The following ZFHX2 variants were observed in gnomAD, a reference collection of about 807,000 sequenced individuals.
The protein encoded by ZFHX2 is zinc finger homeobox protein 2.
ZFHX2 carries 75 observed loss-of-function variants against 164.8 expected under a neutral mutation model. That is an observed-to-expected ratio of 0.46 (90% CI 0.38 to 0.55). The LOEUF is 0.55. Ranked by LOEUF, ZFHX2 falls within the 20% of genes least tolerant of loss-of-function variation. The probability of loss-of-function intolerance (pLI) is 0.00; values close to 1 mark genes in which losing one functional copy is unlikely to be tolerated. For synonymous variants in ZFHX2, 1,217 were observed against 1,351.4 expected, an observed-to-expected ratio of 0.90 and a Z score of 2.18; for missense variants, 2,933 against 3,308.0, an observed-to-expected ratio of 0.89 and a Z score of 2.78.
chr14:23,551,550 A>C lies in ZFHX2; in HGVS notation c.-257T>G, dbSNP rs375629129. On this transcript the variant is annotated 5_prime_UTR_variant, in exon 1 of 10. Coordinates refer to ENST00000419474, the MANE Select transcript of ZFHX2 (RefSeq NM_033400.3). The surrounding 1 kb of genome is among the most constrained non-coding windows in gnomAD (Gnocchi z 5.3). ...TAAATAAATTCACGGCGGTGAGGGA[A>C]GTGAAGGAAAATAATCAATGCTATT... The C allele has an allele frequency of 1.3e-5, 2 of 152,468 alleles. No homozygotes were observed. Among genetic ancestry groups the C allele is most frequent in the East Asian group, 3.9e-4 (2 of 5,176 alleles). The allele number at this position is 152,468 out of a possible 1,614,324, so 9.4% of individuals were successfully genotyped here.
intron 6 of ZFHX2, 35 bp from the exon 7 acceptor site, chr14:23,527,839 AG>A (rs1185410606): frequency 9.8e-6 from 15 of 1,525,516 alleles, no homozygotes; most frequent in Admixed American, 3.9e-5. Flanking sequence ...ACGAAGTGTC[AG>A]GGAAGGATGG....
chr14:23,539,507 C>T lies in ZFHX2; in HGVS notation c.-49-4133G>A, dbSNP rs185505418. Among the ~76,000 whole-genome samples the T allele has an allele frequency of 5.3e-3, 806 of 152,172 alleles. 4 individuals carry two copies. The highest frequency in any genetic ancestry group is 7.9e-3 in the Admixed American group (121 of 15,290). On this transcript the variant is annotated intron_variant, in intron 1 of 9. Coordinates refer to ENST00000419474, the MANE Select transcript of ZFHX2 (RefSeq NM_033400.3). ...GAAAGCTGAAAAGCCAGGCCCTGACCGAGCAAGATGGGGGAAATAGTGAGA... is the reference window on the plus strand; with the variant it reads ...GAAAGCTGAAAAGCCAGGCCCTGACTGAGCAAGATGGGGGAAATAGTGAGA...
chr14:23,526,640 A>G lies in ZFHX2; in HGVS notation c.3302T>C (p.Leu1101Pro). The change falls in exon 9 of 10, where the codon CTT (leucine) becomes CCT (proline). Residue 1101 changes from leucine to proline, a missense_variant. Leu to Pro is a moderately conservative substitution (Grantham distance 98). Coordinates refer to ENST00000419474, the MANE Select transcript of ZFHX2 (RefSeq NM_033400.3). ...NLTPEASPDP[L>P]PEPPLASVEV... is the part of the protein sequence containing the mutation. ...AACTGAGGCCAGGGGAGGCTCAGGA[A>G]GAGGATCTGGACTGGCTTCTGGGGT... is the stretch of plus-strand genomic sequence containing the variant. 6.5e-7 allele frequency: 1 copy of G among 1,535,970 alleles called. No individual in the cohort carries two copies. The highest frequency in any genetic ancestry group is 8.7e-7 in the Non-Finnish European group (1 of 1,146,862).
intron 4 of ZFHX2, 197 bp from the exon 5 acceptor site, chr14:23,530,391 C>T (rs1191068558): frequency 1.4e-6 from 1 of 694,840 alleles, no homozygotes; most frequent in East Asian, 2.7e-5. Context: ...AGTATTAGAA[C>T]TGGTAGGGCC....
rs1876081830 is a variant in ZFHX2, at chr14:23,534,002, A to G, written c.1324T>C (p.Ser442Pro). ...CAGGAGTTGCGTGAGTGGAGCAGGG[A>G]CATGTGGCTGGACAGGCTGAGGCCC... ...FQGLSLSSHM[S>P]LLHSRNSCKT... The change falls in exon 2 of 10, where the codon TCC becomes CCC. Residue 442 changes from serine to proline, a missense_variant. By Grantham distance (74) the Ser-to-Pro change is moderately conservative. Transcript: ENST00000419474. The surrounding 1 kb of genome is among the most constrained non-coding windows in gnomAD (Gnocchi z 4.5). 4.6e-6 allele frequency: 7 copies of G among 1,537,250 alleles called. No homozygotes were observed. The highest frequency in any genetic ancestry group is 6.1e-6 in the Non-Finnish European group (7 of 1,146,900).
Position 23,533,648 on chromosome 14 carries a change from C to T in ZFHX2, c.1678G>A (p.Asp560Asn), listed in dbSNP as rs1186625695. The change falls in exon 2 of 10, where the codon GAC becomes AAC. Residue 560 changes from aspartate to asparagine, a missense_variant. Physicochemically the swap from Asp to Asn is conservative, Grantham distance 23 (BLOSUM62 1). Coordinates refer to ENST00000419474, the MANE Select transcript of ZFHX2 (RefSeq NM_033400.3). This position sits in a 1 kb window ranked among gnomAD's most constrained non-coding sequence, Gnocchi z 4.8. ...GATGATTTGGTCTTAGGCTCTTTGT[C>T]TCCCGCGGAGGGTGGGAGTGATGCC... ...PEASLPPSAG[D>N]KEPKTKSSWQ... 3 of 1,536,956 alleles carry T rather than the reference C, an allele frequency of 2.0e-6. No individual in the cohort carries two copies. The highest frequency in any genetic ancestry group is 8.7e-7 in the Non-Finnish European group (1 of 1,147,130).
At position 23,522,634 on chromosome 14, in the gene ZFHX2, T is replaced by C; in HGVS notation, c.7047A>G (p.Pro2349=). The change falls in exon 10 of 10, where the codon CCA becomes CCG. Residue 2349 remains proline (P), a synonymous_variant. Coordinates refer to ENST00000419474, the MANE Select transcript of ZFHX2 (RefSeq NM_033400.3). ...ALLGGQFLPF[P]LPPAGGTAPP... ...GTGCTGTTCCCCCAGCAGGGGGCAA[T>C]GGAAAGGGCAGGAACTGGCCCCCCA... 3 of 1,535,074 alleles carry C rather than the reference T, an allele frequency of 2.0e-6. No homozygotes were observed. The highest frequency in any genetic ancestry group is 1.4e-5 in the African/African-American group (1 of 73,086).
Position 23,534,129 on chromosome 14 carries a change from C to T in ZFHX2, c.1197G>A (p.Gly399=), listed in dbSNP as rs768765923. ...LNQSSPTSKE[G]GTLPAPVGSP... is the part of the protein sequence containing the mutation. ...AGCCCACTGGGGCAGGGAGAGTGCC[C>T]CCCTCCTTGGAGGTGGGTGAGCTTT... The change falls in exon 2 of 10, where the codon GGG becomes GGA. Residue 399 remains glycine, a synonymous_variant. Transcript: ENST00000419474. This position sits in a 1 kb window ranked among gnomAD's most constrained non-coding sequence, Gnocchi z 4.5. 1.3e-5 allele frequency: 19 copies of T among 1,479,744 alleles called. No homozygotes were observed. Among genetic ancestry groups the T allele is most frequent in the Middle Eastern group, 1.8e-4 (1 of 5,698 alleles). 91.7% of individuals were successfully genotyped at this position (1,479,744 alleles called of 1,614,324 possible).
chr14:23,526,271 A>G lies in ZFHX2; in HGVS notation c.3671T>C (p.Ile1224Thr), dbSNP rs971312649. Residue 1224 changes from isoleucine (I) to threonine (T), a missense_variant, in exon 9 of 10, where the codon ATT (isoleucine) becomes ACT (threonine). Transcript: ENST00000419474. Reference sequence around the variant, plus strand: ...TCCCCGTGCAGGGGCAGAGGGGTCAATGGCAGCCTTCTTCATCTTGTGAAG... The same window carrying G: ...TCCCCGTGCAGGGGCAGAGGGGTCAGTGGCAGCCTTCTTCATCTTGTGAAG... ...SHLHKMKKAA[I>T]DPSAPARGEA... is the part of the protein sequence containing the mutation. 4 of 1,536,238 alleles carry G rather than the reference A, an allele frequency of 2.6e-6. No individual in the cohort carries two copies. Among genetic ancestry groups the G allele is most frequent in the African/African-American group, 2.7e-5 (2 of 73,044 alleles).
rs1878116479 is a variant in ZFHX2, at chr14:23,522,392, C to G, written c.7289G>C (p.Gly2430Ala). ...ELPAPGEGEAGEVDELLTGST... is the reference protein window; with the variant it reads ...ELPAPGEGEAAEVDELLTGST... Reference sequence around the variant, plus strand: ...GCCTGTCAGCAGCTCATCAACCTCACCAGCTTCCCCCTCCCCTGGAGCAGG... The same window carrying G: ...GCCTGTCAGCAGCTCATCAACCTCAGCAGCTTCCCCCTCCCCTGGAGCAGG... The change falls in exon 10 of 10, where the codon GGT (glycine) becomes GCT (alanine). Residue 2430 changes from glycine (G) to alanine (A), a missense_variant. Gly to Ala is a moderately conservative substitution (Grantham distance 60). Coordinates refer to ENST00000419474, the MANE Select transcript of ZFHX2 (RefSeq NM_033400.3). 6.5e-7 allele frequency: 1 copy of G among 1,536,208 alleles called. No homozygotes were observed. Among genetic ancestry groups the G allele is most frequent in the African/African-American group, 1.4e-5 (1 of 73,056 alleles).
At chr14:23,555,333 C>A (rs1018211265), upstream of ZFHX2, among the ~76,000 whole-genome samples, 1 of 152,128 alleles carries the variant, frequency 6.6e-6, no homozygotes, top group South Asian at 2.1e-4. Flanking sequence ...TAGTTCTACA[C>A]CTGACAAAAA....
Position 23,533,989 on chromosome 14 carries a change from G to A in ZFHX2, c.1337C>T (p.Ser446Leu), listed in dbSNP as rs762995362. 3.7e-5 allele frequency: 57 copies of A among 1,537,436 alleles called. 1 individual carries two copies. The South Asian group carries it at 6.7e-4, about 18-fold the overall frequency. Reference protein sequence around the residue: ...SLSSHMSLLHSRNSCKTLKCP... With the variant: ...SLSSHMSLLHLRNSCKTLKCP... ...CTTGAGTGTCTTGCAGGAGTTGCGTGAGTGGAGCAGGGACATGTGGCTGGA... is the reference window on the plus strand; with the variant it reads ...CTTGAGTGTCTTGCAGGAGTTGCGTAAGTGGAGCAGGGACATGTGGCTGGA... Residue 446 changes from serine to leucine, a missense_variant, in exon 2 of 10, where the codon TCA (serine) becomes TTA (leucine). Coordinates refer to ENST00000419474, the MANE Select transcript of ZFHX2 (RefSeq NM_033400.3). The surrounding 1 kb of genome is among the most constrained non-coding windows in gnomAD (Gnocchi z 4.8).
chr14:23,548,824 C>T (rs943483234), intron 1 of ZFHX2, among the ~76,000 whole-genome samples: 1 of 152,174 alleles, frequency 6.6e-6, no homozygotes, highest in Non-Finnish European at 1.5e-5. Context: ...GCTATTTGTG[C>T]TATGCTTTTT....
chr14:23,527,680 CCCACCAGCTGTTCCT>C lies in ZFHX2; in HGVS notation c.3044_3058del (p.Gln1015_Gly1020delinsArg). 3 of 1,536,290 alleles carry C rather than the reference CCCACCAGCTGTTCCT, an allele frequency of 2.0e-6. No individual in the cohort carries two copies. ...AAGGTGGAAGTGCAGGGCAGGCCGG[CCCACCAGCTGTTCCT>C]GGCACAGTGGGCATCTGTACTTGGG... On this transcript the variant is annotated inframe_deletion, in exon 7 of 10. Coordinates refer to ENST00000419474, the MANE Select transcript of ZFHX2 (RefSeq NM_033400.3).
Position 23,522,758 on chromosome 14 carries a change from T to C in ZFHX2, c.6923A>G (p.Lys2308Arg). The change falls in exon 10 of 10, where the codon AAG (lysine) becomes AGG (arginine). Residue 2308 changes from lysine (K) to arginine (R), a missense_variant. Lys to Arg is a conservative substitution (Grantham distance 26). Transcript: ENST00000419474. Reference sequence around the variant, plus strand: ...AACTGGCTTTCGCTCACTGGAGACCTTGTCCCCCAAGGGCTCAGTAGGAGG... The same window carrying C: ...AACTGGCTTTCGCTCACTGGAGACCCTGTCCCCCAAGGGCTCAGTAGGAGG... The part of the protein sequence containing the change: ...PGPPTEPLGD[K>R]VSSERKPVAG... 1 of 1,536,426 alleles carries C rather than the reference T, an allele frequency of 6.5e-7. No individual in the cohort carries two copies.
At position 23,524,745 on chromosome 14, in the gene ZFHX2, C is replaced by A; in HGVS notation, c.5197G>T (p.Gly1733Cys). ...CCATCTGGAGGCTCTGGTAATGGGC[C>A]CTCAGGCCCTGCTGGAGGTTCAAGG... Reference protein sequence around the residue: ...QGLEPPAGPEGPLPEPPDGEE... With the variant: ...QGLEPPAGPECPLPEPPDGEE... The change falls in exon 9 of 10, where the codon GGC becomes TGC. Residue 1733 changes from glycine (G) to cysteine (C), a missense_variant. Coordinates refer to ENST00000419474, the MANE Select transcript of ZFHX2 (RefSeq NM_033400.3). The surrounding 1 kb of genome is among the most constrained non-coding windows in gnomAD (Gnocchi z 5.6). The A allele has an allele frequency of 6.5e-7, 1 of 1,536,338 alleles. No individual in the cohort carries two copies. The highest frequency in any genetic ancestry group is 8.7e-7 in the Non-Finnish European group (1 of 1,146,934).
chr14:23,554,769 G>C (rs1311593269), upstream of ZFHX2, among the ~76,000 whole-genome samples: 1 of 152,056 alleles, frequency 6.6e-6, no homozygotes, highest in Non-Finnish European at 1.5e-5. Flanking sequence ...ATACTGGTGA[G>C]AGGGCAGGTG....
chr14:23,550,602 T>C lies in ZFHX2; in HGVS notation c.-50+741A>G, dbSNP rs114863188. 8.7e-3 allele frequency among the ~76,000 whole-genome samples: 1,329 copies of C among 152,226 alleles called. 15 individuals are homozygous for C. The highest frequency in any genetic ancestry group is 0.03 in the African/African-American group (1,251 of 41,524). ...ACACATGGACAGAGATCAGCGGGGC[T>C]ACAGGCACAGCGAGGAAGCGTGGTC... On this transcript the variant is annotated intron_variant, in intron 1 of 9. Coordinates refer to ENST00000419474, the MANE Select transcript of ZFHX2 (RefSeq NM_033400.3).
chr14:23,523,586 T>C lies in ZFHX2; in HGVS notation c.6356A>G (p.Lys2119Arg). The C allele has an allele frequency of 6.5e-7, 1 of 1,549,100 alleles. No homozygotes were observed. The highest frequency in any genetic ancestry group is 8.7e-7 in the Non-Finnish European group (1 of 1,153,132). ...CCCCTGTAGTTTGGCCTTCTTTTCC[T>C]TGGCACGAGCATTCTGGAACCAGAC... ...IQVWFQNARA[K>R]EKKAKLQGTA... The change falls in exon 9 of 10, where the codon AAG (lysine) becomes AGG (arginine). Residue 2119 changes from lysine to arginine, a missense_variant. Transcript: ENST00000419474. The surrounding 1 kb of genome is among the most constrained non-coding windows in gnomAD (Gnocchi z 4.1).
Sources: allele counts gnomAD v4.1 joint callset (sites outside exome capture counted in the v4.1 genomes callset), GRCh38; gene constraint gnomAD v4.1.1; non-coding constraint Gnocchi (gnomAD v3.1); transcripts MANE v1.5; gene names NCBI Gene and HGNC (gene_info 2026-07-23, HGNC 2026-07-21).